RAB2A: variants seen among roughly 807,000 people sequenced by gnomAD.
RAB2A encodes RAB2A, member RAS oncogene family.
A neutral mutation model predicts 32.5 loss-of-function variants in RAB2A; 7 were observed. The ratio of observed to expected loss-of-function variants is 0.22; its 90% CI spans 0.12 to 0.40. The LOEUF is 0.40. Among genes scored for constraint, RAB2A ranks in the 10% least tolerant of loss-of-function variants. The probability of loss-of-function intolerance (pLI) is 1.00; values close to 1 mark genes in which losing one functional copy is unlikely to be tolerated. For missense variants in RAB2A, 108 were observed against 260.7 expected (o/e 0.41, Z 4.03); for synonymous variants, 79 against 85.2 (o/e 0.93, Z 0.40).
In RAB2A at chr8:60,591,894, A is replaced by G. The variant is rs1049457057; in HGVS notation, c.399A>G (p.Glu133=). 6.2e-7 allele frequency: 1 copy of G among 1,612,804 alleles called. No individual in the cohort carries two copies. The highest frequency in any genetic ancestry group is 8.5e-7 in the Non-Finnish European group (1 of 1,179,102). ...LESRREVKKE[E]GEAFAREHGL... is the part of the protein sequence containing the mutation. ...CTAGAAGAGAAGTAAAAAAAGAAGAAGGTGAAGCTTTTGCACGAGAACATG... is the reference window on the plus strand; with the variant it reads ...CTAGAAGAGAAGTAAAAAAAGAAGAGGGTGAAGCTTTTGCACGAGAACATG... The change falls in exon 6 of 8, where the codon GAA becomes GAG. Residue 133 remains glutamate (E), a synonymous_variant. Transcript: ENST00000262646.
intron 1 of RAB2A, among the ~76,000 whole-genome samples, chr8:60,524,555 GTTAC>G (rs1482291157): frequency 3.3e-5 from 5 of 152,304 alleles, no homozygotes; most frequent in African/African-American, 1.2e-4. Flanking sequence ...AGTTTTAGCT[GTTAC>G]TTTTCACTTG....
At chr8:60,537,904 T>G (rs1298644480) in intron 1 of RAB2A, among the ~76,000 whole-genome samples, 1 of 152,114 alleles carries the variant, frequency 6.6e-6, no homozygotes, top group Non-Finnish European at 1.5e-5. Flanking sequence ...GGTGTCAAAC[T>G]CCTGGCCTCA....
At chr8:60,569,166 T>A (rs1408576359) in intron 2 of RAB2A, among the ~76,000 whole-genome samples, 1 of 152,202 alleles carries the variant, frequency 6.6e-6, no homozygotes, top group Non-Finnish European at 1.5e-5. Context: ...GAAATCATAG[T>A]TTTTCAGTAA....
At chr8:60,563,234 CA>C (rs1390126391) in intron 2 of RAB2A, among the ~76,000 whole-genome samples, 1 of 152,104 alleles carries the variant, frequency 6.6e-6, no homozygotes, top group Non-Finnish European at 1.5e-5. Flanking sequence ...AGCCTCTATA[CA>C]AATATTCTTT....
At chr8:60,579,425 A>T (rs918090253) in intron 3 of RAB2A, among the ~76,000 whole-genome samples, 1 of 152,088 alleles carries the variant, frequency 6.6e-6, no homozygotes, top group African/African-American at 2.4e-5. Flanking sequence ...CTCCACCCCA[A>T]GTTTGTTTTG....
chr8:60,592,703 ATTC>A (rs1243319893), intron 6 of RAB2A, among the ~76,000 whole-genome samples: 1 of 152,124 alleles, frequency 6.6e-6, no homozygotes, highest in Non-Finnish European at 1.5e-5. Context: ...AACACAGTGT[ATTC>A]TTTTATGCTC....
chr8:60,547,842 A>T (rs1410003376), intron 1 of RAB2A, among the ~76,000 whole-genome samples: 1 of 86,268 alleles, frequency 1.2e-5, no homozygotes, highest in African/African-American at 5.5e-5. Flanking sequence ...TGACCCCCCC[A>T]CCTCCCTCCT....
intron 1 of RAB2A, among the ~76,000 whole-genome samples, chr8:60,528,493 A>G (rs1807426014): frequency 1.3e-5 from 2 of 152,132 alleles, no homozygotes; most frequent in South Asian, 2.1e-4. Context: ...GTGTGTTCTA[A>G]TATGTTGATC....
At chr8:60,610,756 C>T (rs1255759931) in intron 6 of RAB2A, among the ~76,000 whole-genome samples, 2 of 152,178 alleles carry the variant, frequency 1.3e-5, no homozygotes, top group Non-Finnish European at 2.9e-5. Context: ...TACTTCTAAA[C>T]CAGGGTGGCT....
intron 1 of RAB2A, among the ~76,000 whole-genome samples, chr8:60,548,811 C>CG (rs1469494186): frequency 1.4e-5 from 2 of 146,516 alleles, no homozygotes; most frequent in Admixed American, 6.7e-5. Flanking sequence ...GCTGGCCGGG[C>CG]GGGGGGCTGA....
intron 3 of RAB2A, among the ~76,000 whole-genome samples, chr8:60,574,683 A>G (rs1016104173): frequency 2.0e-5 from 3 of 152,200 alleles, no homozygotes; most frequent in Non-Finnish European, 2.9e-5. Flanking sequence ...AACTCGTCAT[A>G]CATCATTTTG....
intron 7 of RAB2A, among the ~76,000 whole-genome samples, chr8:60,619,282 C>T (rs915705921): frequency 6.6e-6 from 1 of 152,054 alleles, no homozygotes; most frequent in Non-Finnish European, 1.5e-5. Context: ...TCACTTGACC[C>T]ACATCCCCAC....
At chr8:60,616,105 A>T (rs1003150548) in intron 6 of RAB2A, among the ~76,000 whole-genome samples, 2 of 152,192 alleles carry the variant, frequency 1.3e-5, no homozygotes, top group African/African-American at 4.8e-5. Context: ...CTTTCAGATA[A>T]AAAAATACTG....
Position 60,548,532 on chromosome 8 carries a change from C to T in RAB2A, c.47-10320C>T, listed in dbSNP as rs1303151265. ...GCGGGGGGCTGACCCCCCCACCTCC[C>T]TCCCGGACGGGGCGGCTGGCCGGGC... On this transcript the variant is annotated intron_variant, in intron 1 of 7. Coordinates refer to ENST00000262646, the MANE Select transcript of RAB2A (RefSeq NM_002865.3). Among the ~76,000 whole-genome samples, 8 of 106,108 alleles carry T rather than the reference C, an allele frequency of 7.5e-5. No homozygotes were observed. In the South Asian group the frequency reaches 1.5e-3, roughly 19 times the overall value. 69.6% of individuals were successfully genotyped at this position (106,108 alleles called of 152,430 possible).
At chr8:60,593,715 A>G (rs567452394) in intron 6 of RAB2A, among the ~76,000 whole-genome samples, 14 of 152,194 alleles carry the variant, frequency 9.2e-5, no homozygotes, top group Non-Finnish European at 1.8e-4. Flanking sequence ...AGAACCAGGA[A>G]GATCTTAAAT....
At chr8:60,523,040 A>G (rs781606670) in intron 1 of RAB2A, among the ~76,000 whole-genome samples, 3 of 152,320 alleles carry the variant, frequency 2.0e-5, no homozygotes, top group Non-Finnish European at 4.4e-5. Context: ...GAAAAATTCT[A>G]TTAAAGCTTT....
intron 1 of RAB2A, 41 bp downstream of exon 1, chr8:60,517,294 C>T: frequency 1.4e-6 from 2 of 1,469,562 alleles, no homozygotes; most frequent in Non-Finnish European, 1.8e-6. Flanking sequence ...TCGGCGGCCT[C>T]CGGACCCGGG....
chr8:60,577,358 T>A (rs1357691373), intron 3 of RAB2A, among the ~76,000 whole-genome samples: 2 of 152,146 alleles, frequency 1.3e-5, no homozygotes, highest in African/African-American at 2.4e-5. Flanking sequence ...AAGCCTTTTT[T>A]CCAAAGTAAA....
In RAB2A at chr8:60,605,834, TATATAC is replaced by T. The variant is rs202108071; in HGVS notation, c.475-12740_475-12735del. On this transcript the variant is annotated intron_variant, in intron 6 of 7. Transcript: ENST00000262646. ...CTCATAGGCAAAAGGGACTAATACA[TATATAC>T]ATATATATATATAATGCTTCATTTC... 3.3e-3 allele frequency among the ~76,000 whole-genome samples: 460 copies of T among 141,498 alleles called. 38 individuals carry two copies. The highest frequency in any genetic ancestry group is 0.012 in the African/African-American group (430 of 34,982). 92.8% of individuals were successfully genotyped at this position (141,498 alleles called of 152,430 possible). A position where few individuals can be genotyped will look rare whatever the true frequency, so the allele number is the denominator to read the frequency against.
Sources: gnomAD v4.1 joint callset for allele counts (sites outside exome capture counted in the v4.1 genomes callset) on GRCh38, gnomAD v4.1.1 for gene constraint, MANE v1.5 for transcripts, NCBI Gene and HGNC (gene_info 2026-07-23, HGNC 2026-07-21) for gene names.